Variants in ABL2 observed in about 807,000 individuals in gnomAD.
ABL2 encodes the protein tyrosine-protein kinase ABL2.
A neutral mutation model predicts 107.7 loss-of-function variants in ABL2; 49 were observed. The ratio of observed to expected loss-of-function variants is 0.45; its 90% confidence interval spans 0.36 to 0.58. ABL2 has a LOEUF of 0.58. Ranked by LOEUF, ABL2 falls within the 20% of genes least tolerant of loss-of-function variation. The pLI is 0.00. For synonymous variants in ABL2, 549 were observed against 548.6 expected, an observed-to-expected ratio of 1.00 and a Z score of -0.01; for missense variants, 1,245 against 1,457.0, an observed-to-expected ratio of 0.85 and a Z score of 2.37.
intron 1 of ABL2, among the ~76,000 whole-genome samples, chr1:179,144,524 ATATT>A (rs1165856694): frequency 6.6e-6 from 1 of 152,198 alleles, no homozygotes; most frequent in Non-Finnish European, 1.5e-5. Context: ...CACTCAATAA[ATATT>A]TATTAAGCAC....
At chr1:179,135,357 G>A in intron 1 of ABL2, among the ~76,000 whole-genome samples, 1 of 151,590 alleles carries the variant, frequency 6.6e-6, no homozygotes, top group East Asian at 2.0e-4. Context: ...CATTGTCTGA[G>A]ATGTGGGGAG....
At chr1:179,212,836 C>T (rs774997549) in intron 1 of ABL2, among the ~76,000 whole-genome samples, 1 of 151,664 alleles carries the variant, frequency 6.6e-6, no homozygotes, top group African/African-American at 2.4e-5. Flanking sequence ...CACCTGAGAT[C>T]TGGAGCTCAA....
Position 179,108,242 on chromosome 1 carries a change from G to C in ABL2, c.3025C>G (p.Leu1009Val). 1 of 1,614,152 alleles carries C rather than the reference G, an allele frequency of 6.2e-7. No homozygotes were observed. The highest frequency in any genetic ancestry group is 8.5e-7 in the Non-Finnish European group (1 of 1,180,024). ...TCTGATGTGGACTGTCCTGCAGTTA[G>C]GGCAGTTGGCTCTTCTGTAGGGTCT... Reference protein sequence around the residue: ...CSDPTEEPTALTAGQSTSETQ... With the variant: ...CSDPTEEPTAVTAGQSTSETQ... The change falls in exon 12 of 12, where the codon CTA (leucine) becomes GTA (valine). Residue 1009 changes from leucine (L) to valine (V), a missense_variant. Around this residue, in one of 3 missense-constraint regions of ABL2, gnomAD observed 761 missense variants for 766.4 expected, o/e 0.99. Coordinates refer to ENST00000502732, the MANE Select transcript of ABL2 (RefSeq NM_007314.4).
At chr1:179,141,002 A>T (rs1232278272) in intron 1 of ABL2, among the ~76,000 whole-genome samples, 3 of 151,560 alleles carry the variant, frequency 2.0e-5, no homozygotes, top group Non-Finnish European at 4.4e-5. Flanking sequence ...TGTAATCCCA[A>T]CTACTCGGGA....
At chr1:179,206,987 AAG>A (rs965563598) in intron 1 of ABL2, among the ~76,000 whole-genome samples, 2 of 151,804 alleles carry the variant, frequency 1.3e-5, no homozygotes, top group African/African-American at 2.4e-5. Flanking sequence ...CAGTTCCTGA[AAG>A]AGAGAGACAG....
At chr1:179,110,763 A>G (rs1462446371) in intron 10 of ABL2, 1 of 1,613,922 alleles carries the variant, frequency 6.2e-7, no homozygotes, top group Non-Finnish European at 8.5e-7. Flanking sequence ...TGGAGTTACT[A>G]TGAATACGTT....
chr1:179,126,526 G>C lies in ABL2; in HGVS notation c.538C>G (p.Arg180Gly), dbSNP rs755948346. 1 of 1,614,166 alleles carries C rather than the reference G, an allele frequency of 6.2e-7. No individual in the cohort carries two copies. The highest frequency in any genetic ancestry group is 8.5e-7 in the Non-Finnish European group (1 of 1,180,038). The change falls in exon 4 of 12, where the codon CGC becomes GGC. Residue 180 changes from arginine to glycine, a missense_variant. Transcript: ENST00000502732. This position sits in a 1 kb window ranked among gnomAD's most constrained non-coding sequence, Gnocchi z 4.4. ...CTGAGCAGATACTCAGCTGCACTGCGTGACACAGGTCCATGGTACCAGGAG... is the reference window on the plus strand; with the variant it reads ...CTGAGCAGATACTCAGCTGCACTGCCTGACACAGGTCCATGGTACCAGGAG... ...KHSWYHGPVS[R>G]SAAEYLLSSL... is the part of the protein sequence containing the mutation.
intron 1 of ABL2, among the ~76,000 whole-genome samples, chr1:179,226,065 A>G (rs1319995716): frequency 6.7e-6 from 1 of 149,240 alleles, no homozygotes; most frequent in Non-Finnish European, 1.5e-5. Flanking sequence ...AAAAAAAAAA[A>G]AAAAAGAAAC....
At chr1:179,210,758 G>A (rs1662229108) in intron 1 of ABL2, among the ~76,000 whole-genome samples, 1 of 151,922 alleles carries the variant, frequency 6.6e-6, no homozygotes, top group Non-Finnish European at 1.5e-5. Flanking sequence ...GGAGGCTGAG[G>A]CAGGAGAATT....
chr1:179,110,973 T>A, intron 10 of ABL2: 1 of 1,320,442 alleles, frequency 7.6e-7, no homozygotes, highest in Non-Finnish European at 1.0e-6. Flanking sequence ...GATGTTATTA[T>A]TTTTGGCTTT....
rs1653236376 is a variant in ABL2 at position 179,103,060 on chromosome 1, TA to T, written c.*4657del. 4.5e-6 allele frequency: 1 copy of T among 222,202 alleles called. No individual in the cohort carries two copies. Among genetic ancestry groups the T allele is most frequent in the Non-Finnish European group, 9.0e-6 (1 of 111,274 alleles). 13.8% of individuals were successfully genotyped at this position (222,202 alleles called of 1,614,324 possible). On this transcript the variant is annotated 3_prime_UTR_variant, in exon 12 of 12. Transcript: ENST00000502732. ...GATAAATGGCCAAGCATATAGTGGA[TA>T]AATGGAGAAGAGTAAGAGGACCTCA...
intron 1 of ABL2, among the ~76,000 whole-genome samples, chr1:179,157,252 TG>T (rs1473213038): frequency 1.3e-5 from 2 of 152,128 alleles, no homozygotes; most frequent in Non-Finnish European, 2.9e-5. Context: ...CCCAGAACTT[TG>T]GGAGGCTGAG....
rs1360645898 is a variant in ABL2, at chr1:179,106,943, T to C, written c.*775A>G. On this transcript the variant is annotated 3_prime_UTR_variant, in exon 12 of 12. Transcript: ENST00000502732. ...ACCACTAGGGAGACCCCTGTACTTA[T>C]GGTTTACAGATAGCCACCAACAGGC... is the stretch of plus-strand genomic sequence containing the variant. 8.7e-6 allele frequency: 2 copies of C among 230,488 alleles called. No homozygotes were observed. The highest frequency in any genetic ancestry group is 5.7e-5 in the Admixed American group (1 of 17,694). 14.3% of individuals were successfully genotyped at this position (230,488 alleles called of 1,614,324 possible).
intron 1 of ABL2, among the ~76,000 whole-genome samples, chr1:179,136,709 AAAATAAATAAAT>A (rs201779575): frequency 1.1e-4 from 16 of 140,642 alleles, no homozygotes; most frequent in Non-Finnish European, 1.8e-4. Flanking sequence ...TGATCAATAA[AAAATAAATAAAT>A]AAATAAATAA....
chr1:179,136,069 C>T (rs7544539), intron 1 of ABL2, among the ~76,000 whole-genome samples: 40,065 of 141,026 alleles, frequency 0.28, 6,436 homozygotes, highest in East Asian at 0.41. Context: ...CCAGCCGCCC[C>T]GTCCAGGAGG....
At position 179,122,740 on chromosome 1, in the gene ABL2, G is replaced by A. The variant is rs535993861; in HGVS notation, c.688-873C>T. The stretch of plus-strand genomic sequence containing the variant: ...ATGACCTCAGCTCACTGCAACCTCC[G>A]CCTCCTGGGTTCAAGTGATTCTCCT... On this transcript the variant is annotated intron_variant, in intron 4 of 11. Coordinates refer to ENST00000502732, the MANE Select transcript of ABL2 (RefSeq NM_007314.4). Among the ~76,000 whole-genome samples the A allele has an allele frequency of 1.6e-4, 24 of 151,754 alleles. No homozygotes were observed. In the South Asian group the frequency reaches 3.7e-3, roughly 24 times the overall value.
intron 1 of ABL2, among the ~76,000 whole-genome samples, chr1:179,186,498 C>G (rs1660693731): frequency 6.6e-6 from 1 of 151,934 alleles, no homozygotes; most frequent in Admixed American, 6.6e-5. Context: ...CCTTCCTCAG[C>G]CTCCCAAATA....
At chr1:179,188,037 T>G (rs1329023326) in intron 1 of ABL2, among the ~76,000 whole-genome samples, 1 of 152,194 alleles carries the variant, frequency 6.6e-6, no homozygotes. Flanking sequence ...TCCCCTACCA[T>G]TCTCCTTCAG....
At chr1:179,133,432 A>G (rs995730391) in intron 1 of ABL2, 58 bp from the exon 2 acceptor site, 1 of 1,613,474 alleles carries the variant, frequency 6.2e-7, no homozygotes, top group Non-Finnish European at 8.5e-7. Flanking sequence ...ATAGTTTAAC[A>G]TCAAGCTAAA....
Sources: allele counts gnomAD v4.1 joint callset (sites outside exome capture counted in the v4.1 genomes callset), GRCh38; gene constraint gnomAD v4.1.1; regional missense constraint gnomAD v4.1.1; non-coding constraint Gnocchi (gnomAD v3.1); transcripts MANE v1.5; gene names NCBI Gene and HGNC (gene_info 2026-07-23, HGNC 2026-07-21).